The following ALG12 variants were observed in gnomAD, a reference collection of about 807,000 sequenced individuals.
The protein encoded by ALG12 is dol-P-Man:Man(7)GlcNAc(2)-PP-Dol alpha-1,6-mannosyltransferase.
A neutral mutation model predicts 46.0 loss-of-function variants in ALG12; 36 were observed. The observed-to-expected ratio is 0.78, with a 90% CI of 0.60 to 1.03. ALG12 has a LOEUF of 1.03. ALG12 is among the 50% of genes least tolerant of loss of function. The pLI, the probability that ALG12 is intolerant of heterozygous loss-of-function variation, is 0.00. For missense variants in ALG12, 599 were observed against 633.5 expected (o/e 0.95, Z 0.58); for synonymous variants, 326 against 291.6 (o/e 1.12, Z -1.20).
chr22:49,886,834 T>A, the ALG12 span: 85 of 1,613,800 alleles, frequency 5.3e-5, no homozygotes, highest in Non-Finnish European at 6.7e-5. This position sits in a 1 kb window ranked among gnomAD's most constrained non-coding sequence, Gnocchi z 7.7. Context: ...GTCGAAAGAC[T>A]CTGCCGCAGA....
chr22:49,911,751 C>T (rs993683159), intron 3 of ALG12, among the ~76,000 whole-genome samples: 4 of 152,292 alleles, frequency 2.6e-5, no homozygotes, highest in Admixed American at 2.6e-4. Context: ...CTTAATAGGA[C>T]ATTTTTCACT....
chr22:49,869,692 T>C, the ALG12 span, among the ~76,000 whole-genome samples: 2 of 152,170 alleles, frequency 1.3e-5, no homozygotes, highest in Non-Finnish European at 2.9e-5. Flanking sequence ...TACGTAAAAG[T>C]GGAAAGGGTA....
At chr22:49,872,078 A>T in the ALG12 span, among the ~76,000 whole-genome samples, 2 of 152,186 alleles carry the variant, frequency 1.3e-5, no homozygotes, top group African/African-American at 2.4e-5. Flanking sequence ...GAAGTTTGCT[A>T]CATCGATTAA....
At chr22:49,883,916 C>T in the ALG12 span, 111 of 1,609,414 alleles carry the variant, frequency 6.9e-5, no homozygotes, top group Non-Finnish European at 8.9e-5. Flanking sequence ...GACTATGGCG[C>T]GCTGTTCTCC....
chr22:49,884,279 T>C, the ALG12 span: 3 of 1,611,954 alleles, frequency 1.9e-6, no homozygotes, highest in African/African-American at 4.0e-5. Flanking sequence ...CTCTCACCCA[T>C]CAAACTTGTC....
Position 49,907,601 on chromosome 22 carries a change from G to A in ALG12, c.992+120C>T, listed in dbSNP as rs185633079. The A allele has an allele frequency of 7.7e-5, 89 of 1,159,208 alleles. 1 individual carries two copies. In the East Asian group the frequency reaches 1.7e-3, roughly 22 times the overall value. 71.8% of individuals were successfully genotyped at this position (1,159,208 alleles called of 1,614,324 possible). A position where few individuals can be genotyped will look rare whatever the true frequency, so the allele number is the denominator to read the frequency against. Reference sequence around the variant, plus strand: ...GGTGCAGTAAGCCCCACTCCAGCTGGGCGACAGAGCAAGACCCTGTTTCAA... The same window carrying A: ...GGTGCAGTAAGCCCCACTCCAGCTGAGCGACAGAGCAAGACCCTGTTTCAA... On this transcript the variant is annotated intron_variant, in intron 7 of 9. Coordinates refer to ENST00000330817, the MANE Select transcript of ALG12 (RefSeq NM_024105.4).
At chr22:49,877,293 A>G in the ALG12 span, among the ~76,000 whole-genome samples, 1 of 140,962 alleles carries the variant, frequency 7.1e-6, no homozygotes, top group African/African-American at 2.5e-5. Context: ...TTATTTATTT[A>G]TTTATTTATT....
chr22:49,880,056 T>C, the ALG12 span, among the ~76,000 whole-genome samples: 1 of 152,100 alleles, frequency 6.6e-6, no homozygotes. Flanking sequence ...TTTTGTTATA[T>C]TCCTTTAAAT....
At chr22:49,914,156 C>T (rs568110887) in intron 1 of ALG12, among the ~76,000 whole-genome samples, 1 of 152,306 alleles carries the variant, frequency 6.6e-6, no homozygotes, top group African/African-American at 2.4e-5. Context: ...CCCCTGCCCC[C>T]CAGTCTAAAT....
At chr22:49,872,410 T>C in the ALG12 span, among the ~76,000 whole-genome samples, 2 of 152,190 alleles carry the variant, frequency 1.3e-5, no homozygotes, top group Admixed American at 1.3e-4. Flanking sequence ...AAATCTGCAG[T>C]CACTTCCTCC....
chr22:49,866,444 G>A, the ALG12 span, among the ~76,000 whole-genome samples: 2 of 151,670 alleles, frequency 1.3e-5, no homozygotes, highest in South Asian at 4.2e-4. Context: ...TGTCATCTGT[G>A]GAGTTTGTTC....
the ALG12 span, chr22:49,885,173 G>A: frequency 8.1e-6 from 13 of 1,613,932 alleles, no homozygotes; most frequent in Middle Eastern, 1.6e-4. Flanking sequence ...CTCTACCGGC[G>A]CCATCCAGAA....
At chr22:49,894,763 CCTGA>C in the ALG12 span, among the ~76,000 whole-genome samples, 7 of 152,266 alleles carry the variant, frequency 4.6e-5, no homozygotes, top group Non-Finnish European at 1.0e-4. Flanking sequence ...CAGAATGTGT[CCTGA>C]CTGACCACTC....
downstream of ALG12, among the ~76,000 whole-genome samples, chr22:49,898,421 T>A (rs887111895): frequency 1.3e-4 from 20 of 151,918 alleles, no homozygotes; most frequent in African/African-American, 4.8e-4. Context: ...GATGGAGTTT[T>A]GCTTGTCGCC....
At chr22:49,904,940 A>G (rs867975479) in intron 7 of ALG12, among the ~76,000 whole-genome samples, 1 of 152,026 alleles carries the variant, frequency 6.6e-6, no homozygotes, top group African/African-American at 2.4e-5. Context: ...GGCTTTCACT[A>G]TGTTGGCCAG....
At chr22:49,866,485 T>TCCAAA in the ALG12 span, among the ~76,000 whole-genome samples, 2 of 152,310 alleles carry the variant, frequency 1.3e-5, no homozygotes, top group Admixed American at 1.3e-4. Flanking sequence ...GTCTTCATTC[T>TCCAAA]TGAAGTCATA....
At chr22:49,861,304 G>C in the ALG12 span, among the ~76,000 whole-genome samples, 1 of 151,388 alleles carries the variant, frequency 6.6e-6, no homozygotes, top group African/African-American at 2.4e-5. Context: ...ACCACGCCCA[G>C]CTAATTTTTA....
In ALG12 at chr22:49,910,622, T is replaced by G; in HGVS notation, c.296-15A>C. 1 of 1,613,976 alleles carries G rather than the reference T, an allele frequency of 6.2e-7. No homozygotes were observed. The highest frequency in any genetic ancestry group is 8.5e-7 in the Non-Finnish European group (1 of 1,180,036). The stretch of plus-strand genomic sequence containing the variant: ...CACTCCTCTAACTAAACAAAGACAG[T>G]GACAGCACCTGAGCCTGCAGTGGAG... On this transcript the variant is annotated splice_polypyrimidine_tract_variant and intron_variant, in intron 3 of 9. Transcript: ENST00000330817.
At chr22:49,884,324 G>C in the ALG12 span, 2 of 1,613,592 alleles carry the variant, frequency 1.2e-6, no homozygotes, top group African/African-American at 1.3e-5. Context: ...TCCCCCGATC[G>C]AATAACAGAG....
Sources: allele counts gnomAD v4.1 joint callset (sites outside exome capture counted in the v4.1 genomes callset), GRCh38; gene constraint gnomAD v4.1.1; non-coding constraint Gnocchi (gnomAD v3.1); transcripts MANE v1.5; gene names NCBI Gene and HGNC (gene_info 2026-07-23, HGNC 2026-07-21).